RCHY1: variants seen among roughly 807,000 people sequenced by gnomAD.
RCHY1 encodes ring finger and CHY zinc finger domain containing 1, also known as RING finger and CHY zinc finger domain-containing protein 1.
Under a neutral mutation model 41.6 loss-of-function variants are expected in RCHY1, and 21 were observed. That is an observed-to-expected ratio of 0.51 (90% CI 0.36 to 0.73). The LOEUF is 0.73. Among genes scored for constraint, RCHY1 ranks in the 30% least tolerant of loss-of-function variants. RCHY1 has a pLI of 0.00. For missense variants in RCHY1, 265 were observed against 325.3 expected (o/e 0.81, Z 1.43); for synonymous variants, 79 against 102.9 (o/e 0.77, Z 1.41).
chr4:75,501,671 C>T (rs1268379035), intron 3 of RCHY1, among the ~76,000 whole-genome samples: 1 of 152,174 alleles, frequency 6.6e-6, no homozygotes, highest in Non-Finnish European at 1.5e-5. Flanking sequence ...TTATTCTATA[C>T]ATTAAACATC....
At position 75,491,780 on chromosome 4, in the gene RCHY1, G is replaced by A. The variant is rs752757207; in HGVS notation, c.453C>T (p.Asp151=). The change falls in exon 6 of 9, where the codon GAC becomes GAT. Residue 151 remains aspartate, a splice_region_variant and synonymous_variant. Transcript: ENST00000324439. ...GAGCAACAACACGGGATGTGTGAAT[G>A]TCCTGTAAATGAAATAAATGTTAGT... ...SRQNCPICLE[D]IHTSRVVAHV... 1 of 1,612,616 alleles carries A rather than the reference G, an allele frequency of 6.2e-7. No individual in the cohort carries two copies.
At chr4:75,484,054 T>C (rs1019625063) in intron 8 of RCHY1, among the ~76,000 whole-genome samples, 1 of 152,226 alleles carries the variant, frequency 6.6e-6, no homozygotes. Flanking sequence ...CCTCTGAATC[T>C]ATTCTGGTTC....
In RCHY1 at chr4:75,479,876, T is replaced by G. The variant is rs1721388591; in HGVS notation, c.*2662A>C. ...ATTATAAAAAAGAATAGGAAAAGAA[T>G]GAAGTTGTCTGTTAAAATGTTAACA... On this transcript the variant is annotated 3_prime_UTR_variant, in exon 9 of 9. Coordinates refer to ENST00000324439, the MANE Select transcript of RCHY1 (RefSeq NM_015436.4). 1 of 152,176 alleles carries G rather than the reference T, an allele frequency of 6.6e-6. No homozygotes were observed. Among genetic ancestry groups the G allele is most frequent in the Admixed American group, 6.5e-5 (1 of 15,274 alleles). The allele number at this position is 152,176 out of a possible 1,614,324, so 9.4% of individuals were successfully genotyped here.
At chr4:75,512,988 G>A (rs1725093186) in intron 1 of RCHY1, among the ~76,000 whole-genome samples, 1 of 139,962 alleles carries the variant, frequency 7.1e-6, no homozygotes, top group African/African-American at 2.8e-5. Flanking sequence ...ATCTAATTGT[G>A]TGGTTTATGG....
At chr4:75,484,397 T>C (rs1336613953) in intron 8 of RCHY1, among the ~76,000 whole-genome samples, 4 of 152,184 alleles carry the variant, frequency 2.6e-5, no homozygotes, top group Non-Finnish European at 1.5e-5. Flanking sequence ...CCAACTGCCT[T>C]GGATCTAGCT....
chr4:75,483,901 A>G (rs1344401222), intron 8 of RCHY1, among the ~76,000 whole-genome samples: 4 of 152,154 alleles, frequency 2.6e-5, no homozygotes, highest in Non-Finnish European at 2.9e-5. Flanking sequence ...AAAACTCAAT[A>G]CCATGTATGG....
chr4:75,502,432 T>C (rs969035829), intron 3 of RCHY1, among the ~76,000 whole-genome samples: 1 of 151,342 alleles, frequency 6.6e-6, no homozygotes, highest in African/African-American at 2.4e-5. Flanking sequence ...CCCAGTTACT[T>C]GGGAGGCTGA....
At chr4:75,490,542 C>G in intron 8 of RCHY1, 39 bp downstream of exon 8, 1 of 1,564,768 alleles carries the variant, frequency 6.4e-7, no homozygotes, top group Non-Finnish European at 8.7e-7. Context: ...AGAGTGCCAA[C>G]AAGGAGTCTA....
chr4:75,506,694 A>C (rs1324920700), intron 3 of RCHY1, among the ~76,000 whole-genome samples: 2 of 151,968 alleles, frequency 1.3e-5, no homozygotes, highest in Non-Finnish European at 2.9e-5. Flanking sequence ...ATGGAGTCTC[A>C]GAAGAGGTGG....
chr4:75,514,347 G>C lies in RCHY1; in HGVS notation c.-61C>G. On this transcript the variant is annotated 5_prime_UTR_variant, in exon 1 of 9. Coordinates refer to ENST00000324439, the MANE Select transcript of RCHY1 (RefSeq NM_015436.4). The stretch of plus-strand genomic sequence containing the variant: ...CCCCAGGATAAAAACCACGCCCAGA[G>C]AAGCTGCGCCTCTCTAGCACACCCC... 1 of 1,559,952 alleles carries C rather than the reference G, an allele frequency of 6.4e-7. No individual in the cohort carries two copies. Among genetic ancestry groups the C allele is most frequent in the Non-Finnish European group, 8.7e-7 (1 of 1,143,440 alleles).
intron 3 of RCHY1, chr4:75,494,433 A>C: frequency 2.8e-6 from 1 of 363,030 alleles, no homozygotes; most frequent in Non-Finnish European, 4.9e-6. Flanking sequence ...ACACACACAC[A>C]CATTTCGGGT....
chr4:75,485,513 T>G (rs1721922229), intron 8 of RCHY1, among the ~76,000 whole-genome samples: 1 of 152,182 alleles, frequency 6.6e-6, no homozygotes, highest in African/African-American at 2.4e-5. Context: ...TTGTTTAAGG[T>G]GACTGGCCAT....
chr4:75,482,650 C>T lies in RCHY1; in HGVS notation c.674G>A (p.Cys225Tyr), dbSNP rs1028844000. The change falls in exon 9 of 9, where the codon TGT becomes TAT. Residue 225 changes from cysteine to tyrosine, a missense_variant. Coordinates refer to ENST00000324439, the MANE Select transcript of RCHY1 (RefSeq NM_015436.4). Reference protein sequence around the residue: ...NMTVDILCNDCNGRSTVQFHI... With the variant: ...NMTVDILCNDYNGRSTVQFHI... ...AAACTGAACAGTGGATCGTCCATTA[C>T]AGTCATTGCAGAGAATCTGAAAAGA... The T allele has an allele frequency of 1.2e-6, 2 of 1,604,794 alleles. No individual in the cohort carries two copies. The highest frequency in any genetic ancestry group is 1.7e-5 in the Admixed American group (1 of 58,824).
At chr4:75,499,227 C>T (rs1488911114) in intron 3 of RCHY1, among the ~76,000 whole-genome samples, 2 of 152,150 alleles carry the variant, frequency 1.3e-5, no homozygotes. Flanking sequence ...AATGAGGTAT[C>T]ATCACACCCC....
intron 3 of RCHY1, among the ~76,000 whole-genome samples, chr4:75,495,555 T>G (rs1235292728): frequency 6.6e-6 from 1 of 151,996 alleles, no homozygotes; most frequent in East Asian, 1.9e-4. Context: ...AAATATGCCT[T>G]CCCTTCACCT....
chr4:75,487,594 TATATATTC>T lies in RCHY1; in HGVS notation c.657+2979_657+2986del, dbSNP rs1383896913. 3.8e-3 allele frequency among the ~76,000 whole-genome samples: 253 copies of T among 67,262 alleles called. 31 individuals carry two copies. The highest frequency in any genetic ancestry group is 4.9e-3 in the African/African-American group (47 of 9,638). 44.1% of individuals were successfully genotyped at this position (67,262 alleles called of 152,430 possible). ...TATATATTCATATATATATTCATAA[TATATATTC>T]ATATATATTCATAATATATATATTC... On this transcript the variant is annotated intron_variant, in intron 8 of 8. Coordinates refer to ENST00000324439, the MANE Select transcript of RCHY1 (RefSeq NM_015436.4).
At chr4:75,486,267 G>A (rs1269386349) in intron 8 of RCHY1, among the ~76,000 whole-genome samples, 3 of 152,070 alleles carry the variant, frequency 2.0e-5, no homozygotes, top group African/African-American at 4.8e-5. Context: ...AAACATTCGG[G>A]AGGGTACATC....
intron 3 of RCHY1, 57 bp from the exon 4 acceptor site, chr4:75,494,236 T>C: frequency 8.3e-7 from 1 of 1,207,106 alleles, no homozygotes; most frequent in South Asian, 1.4e-5. Flanking sequence ...AGTCATGATT[T>C]GTTCATTATG....
In RCHY1 at chr4:75,481,804, TG is replaced by T. The variant is rs1369104233; in HGVS notation, c.*733del. 6.6e-6 allele frequency: 1 copy of T among 152,196 alleles called. No individual in the cohort carries two copies. Among genetic ancestry groups the T allele is most frequent in the Non-Finnish European group, 1.5e-5 (1 of 68,026 alleles). 9.4% of individuals were successfully genotyped at this position (152,196 alleles called of 1,614,324 possible). Reference sequence around the variant, plus strand: ...GAATGACTCTTTGAAGAAATAATTTTGGGCAACCTAAAAAAAACTGTTTTCA... The same window carrying T: ...GAATGACTCTTTGAAGAAATAATTTTGGCAACCTAAAAAAAACTGTTTTCA... On this transcript the variant is annotated 3_prime_UTR_variant, in exon 9 of 9. Coordinates refer to ENST00000324439, the MANE Select transcript of RCHY1 (RefSeq NM_015436.4).
Sources: gnomAD v4.1 joint callset for allele counts (sites outside exome capture counted in the v4.1 genomes callset) on GRCh38, gnomAD v4.1.1 for gene constraint, MANE v1.5 for transcripts, NCBI Gene and HGNC (gene_info 2026-07-23, HGNC 2026-07-21) for gene names.